ORC4: variants seen among roughly 807,000 people sequenced by gnomAD.
The protein encoded by ORC4 is origin recognition complex, subunit 4 homolog.
ORC4 carries 55 observed loss-of-function variants against 63.9 expected under a neutral mutation model. That is an observed-to-expected ratio of 0.86 (90% CI 0.69 to 1.08). ORC4 has a LOEUF of 1.08. Ranked by LOEUF, ORC4 falls within the 50% of genes least tolerant of loss-of-function variation. The pLI is 0.00. For synonymous variants in ORC4, 150 were observed against 168.5 expected (o/e 0.89, Z 0.85); for missense variants, 511 against 504.4 (o/e 1.01, Z -0.13).
rs1558823534 is a variant in ORC4, at chr2:147,933,591, T to C, written c.*1919A>G. On this transcript the variant is annotated 3_prime_UTR_variant, in exon 14 of 14. Coordinates refer to ENST00000392857, the MANE Select transcript of ORC4 (RefSeq NM_181741.4). ...TAGCCAATGAGACAGATGAGGGCTGTCAGCTTTTAAGTGACATCTTAAGCT... is the reference window on the plus strand; with the variant it reads ...TAGCCAATGAGACAGATGAGGGCTGCCAGCTTTTAAGTGACATCTTAAGCT... The C allele has an allele frequency of 6.6e-6, 1 of 152,136 alleles. No individual in the cohort carries two copies. Among genetic ancestry groups the C allele is most frequent in the Admixed American group, 6.6e-5 (1 of 15,252 alleles). 9.4% of individuals were successfully genotyped at this position (152,136 alleles called of 1,614,324 possible).
At position 147,933,137 on chromosome 2, in the gene ORC4, G is replaced by T. The variant is rs1219352716; in HGVS notation, c.*2373C>A. 1 of 151,958 alleles carries T rather than the reference G, an allele frequency of 6.6e-6. No individual in the cohort carries two copies. The highest frequency in any genetic ancestry group is 1.9e-4 in the East Asian group (1 of 5,182). The allele number at this position is 151,958 out of a possible 1,614,324, so 9.4% of individuals were successfully genotyped here. A position where few individuals can be genotyped will look rare whatever the true frequency, so the allele number is the denominator to read the frequency against. ...CCTTTCACCTGCTTTTCAGTTTGAG[G>T]TAATCAGATTGAAAAGCAGGAGTTC... On this transcript the variant is annotated 3_prime_UTR_variant, in exon 14 of 14. Coordinates refer to ENST00000392857, the MANE Select transcript of ORC4 (RefSeq NM_181741.4).
intron 7 of ORC4, among the ~76,000 whole-genome samples, chr2:147,954,772 T>C (rs1384925784): frequency 6.6e-6 from 1 of 152,130 alleles, no homozygotes; most frequent in Non-Finnish European, 1.5e-5. Flanking sequence ...TTCTATTATA[T>C]GGGCAAACAT....
intron 2 of ORC4, 142 bp from the exon 3 acceptor site, chr2:147,973,666 C>A: frequency 1.7e-6 from 1 of 572,696 alleles, no homozygotes; most frequent in Non-Finnish European, 3.1e-6. Flanking sequence ...CTCTAGAGTT[C>A]TGGCACCATT....
At chr2:147,972,403 T>C (rs961781388) in intron 4 of ORC4, among the ~76,000 whole-genome samples, 1 of 152,104 alleles carries the variant, frequency 6.6e-6, no homozygotes, top group African/African-American at 2.4e-5. Context: ...ACATAGTACA[T>C]GCTCAATACA....
chr2:147,981,975 T>C (rs1229925033), intron 1 of ORC4: 1 of 152,230 alleles, frequency 6.6e-6, no homozygotes, highest in Non-Finnish European at 1.5e-5. Context: ...GGTCCTTAGC[T>C]GAGCCAGGCC....
At chr2:147,991,342 C>A (rs1691593484) in intron 1 of ORC4, among the ~76,000 whole-genome samples, 1 of 152,048 alleles carries the variant, frequency 6.6e-6, no homozygotes, top group African/African-American at 2.4e-5. Context: ...AGCCACTGCA[C>A]CCCATACATA....
chr2:147,984,052 C>T (rs13004041), intron 1 of ORC4, among the ~76,000 whole-genome samples: 37,484 of 152,150 alleles, frequency 0.25, 5,778 homozygotes, highest in East Asian at 0.46. Context: ...TTCTATGATA[C>T]AGGTACTGGA....
At chr2:147,998,278 T>C (rs1558871454) in intron 1 of ORC4, among the ~76,000 whole-genome samples, 1 of 152,196 alleles carries the variant, frequency 6.6e-6, no homozygotes, top group Non-Finnish European at 1.5e-5. Flanking sequence ...CATGCTATAA[T>C]TTGGATTTGG....
At chr2:148,014,700 A>G (rs1001578106) in intron 1 of ORC4, among the ~76,000 whole-genome samples, 8 of 152,204 alleles carry the variant, frequency 5.3e-5, no homozygotes, top group African/African-American at 1.9e-4. Context: ...TATAAAAAAT[A>G]ATAGAAATTT....
At chr2:147,974,883 T>C (rs1458145121) in intron 2 of ORC4, among the ~76,000 whole-genome samples, 2 of 148,098 alleles carry the variant, frequency 1.4e-5, no homozygotes, top group African/African-American at 5.0e-5. Context: ...AAATATAAGC[T>C]AGATAAAGCT....
intron 4 of ORC4, among the ~76,000 whole-genome samples, chr2:147,959,353 A>C (rs1469639097): frequency 7.1e-6 from 1 of 141,000 alleles, no homozygotes; most frequent in Admixed American, 7.4e-5. Flanking sequence ...TCATATTACC[A>C]ATGCATTCTT....
intron 1 of ORC4, among the ~76,000 whole-genome samples, chr2:147,995,978 C>A (rs1160348253): frequency 1.3e-5 from 2 of 148,838 alleles, no homozygotes; most frequent in African/African-American, 5.0e-5. Flanking sequence ...CCAGCCTGGG[C>A]GACAGAGCAA....
chr2:147,964,850 T>C (rs1459635401), intron 4 of ORC4, among the ~76,000 whole-genome samples: 1 of 152,122 alleles, frequency 6.6e-6, no homozygotes, highest in African/African-American at 2.4e-5. Context: ...TAGCTGATTG[T>C]CAGAATATAC....
intron 6 of ORC4, among the ~76,000 whole-genome samples, chr2:147,956,480 GTC>G (rs1452407461): frequency 6.6e-6 from 1 of 151,976 alleles, no homozygotes; most frequent in African/African-American, 2.4e-5. Context: ...ACATATATAT[GTC>G]TGTTTATATC....
intron 4 of ORC4, among the ~76,000 whole-genome samples, chr2:147,961,916 T>A (rs1385625282): frequency 6.6e-6 from 1 of 152,060 alleles, no homozygotes; most frequent in African/African-American, 2.4e-5. Context: ...TTAAAAAGAT[T>A]AAGTTCAGAT....
chr2:147,978,498 G>A (rs1247259876), intron 1 of ORC4, among the ~76,000 whole-genome samples: 2 of 152,160 alleles, frequency 1.3e-5, no homozygotes, highest in Non-Finnish European at 2.9e-5. Context: ...CAGAAAGCTT[G>A]ACCCAGGGAT....
At chr2:147,982,568 A>G (rs1690947330) in intron 1 of ORC4, among the ~76,000 whole-genome samples, 2 of 152,212 alleles carry the variant, frequency 1.3e-5, no homozygotes, top group South Asian at 4.1e-4. Context: ...TTTGCATCAT[A>G]TATAAATCAG....
chr2:148,008,772 G>A (rs553489786), intron 1 of ORC4, among the ~76,000 whole-genome samples: 10 of 152,134 alleles, frequency 6.6e-5, no homozygotes, highest in Non-Finnish European at 1.0e-4. Context: ...GGCCACATAC[G>A]TCAGGGATTA....
chr2:147,952,705 G>C (rs1026726845), intron 7 of ORC4, among the ~76,000 whole-genome samples, 181 bp from the exon 8 acceptor site: 1 of 152,110 alleles, frequency 6.6e-6, no homozygotes, highest in Non-Finnish European at 1.5e-5. Flanking sequence ...TTATTCAAAG[G>C]ACAAACACAG....
Sources: gnomAD v4.1 joint callset for allele counts (sites outside exome capture counted in the v4.1 genomes callset) on GRCh38, gnomAD v4.1.1 for gene constraint, MANE v1.5 for transcripts, NCBI Gene and HGNC (gene_info 2026-07-23, HGNC 2026-07-21) for gene names.